The following PEAK1 variants were observed in gnomAD, a reference collection of about 807,000 sequenced individuals.
PEAK1 encodes inactive tyrosine-protein kinase PEAK1.
PEAK1 carries 54 observed loss-of-function variants against 124.7 expected under a neutral mutation model. That is an observed-to-expected ratio of 0.43 (90% confidence interval 0.35 to 0.54). The LOEUF (loss-of-function observed/expected upper bound fraction) is 0.54. PEAK1 is among the 20% of genes least tolerant of loss of function. PEAK1 has a pLI of 0.01. For synonymous variants in PEAK1, 719 were observed against 760.0 expected, an observed-to-expected ratio of 0.95 and a Z score of 0.89; for missense variants, 2,046 against 2,134.5, an observed-to-expected ratio of 0.96 and a Z score of 0.82.
chr15:77,101,223 T>C (rs1454921649), exon 7 of PEAK1: 3 of 152,180 alleles, frequency 2.0e-5, no homozygotes, highest in African/African-American at 7.2e-5. Flanking sequence ...CTGCCTCTGA[T>C]GTGCTATGTC....
chr15:77,254,663 G>C (rs531347959), intron 5 of PEAK1, among the ~76,000 whole-genome samples: 12 of 152,128 alleles, frequency 7.9e-5, no homozygotes, highest in African/African-American at 2.9e-4. Flanking sequence ...GAACTCCTGG[G>C]CTCAAGCTAT....
intron 1 of PEAK1, among the ~76,000 whole-genome samples, chr15:77,383,109 C>T (rs948904878): frequency 2.6e-5 from 4 of 151,272 alleles, no homozygotes; most frequent in Non-Finnish European, 4.4e-5. Context: ...CTGCAACCTC[C>T]GTTGCCCGGG....
At chr15:77,271,812 A>G (rs553981271) in intron 5 of PEAK1, among the ~76,000 whole-genome samples, 2 of 152,310 alleles carry the variant, frequency 1.3e-5, no homozygotes, top group Non-Finnish European at 2.9e-5. Context: ...GGATAGCATT[A>G]GGAGACATAC....
At chr15:77,296,046 G>C (rs917692955) in intron 2 of PEAK1, among the ~76,000 whole-genome samples, 16 of 152,274 alleles carry the variant, frequency 1.1e-4, no homozygotes, top group African/African-American at 3.8e-4. Context: ...AGATGGAAAA[G>C]GAAGTGTATT....
intron 5 of PEAK1, among the ~76,000 whole-genome samples, chr15:77,257,115 C>T (rs1156260556): frequency 6.6e-6 from 1 of 152,094 alleles, no homozygotes; most frequent in East Asian, 1.9e-4. Context: ...TTTTCTTAAT[C>T]CAGTCTATCA....
In PEAK1 at chr15:77,133,395, G is replaced by A. The variant is rs542555904; in HGVS notation, c.3687C>T (p.Pro1229=). The A allele has an allele frequency of 1.0e-4, 163 of 1,614,224 alleles. No individual in the cohort carries two copies. The South Asian group carries it at 1.7e-3, about 17-fold the overall frequency. ...ERPLRKERPV[P]SAANSISSLT... ...AGCTGGAAATGCTGTTTGCTGCTGA[G>A]GGGACAGGTCTCTCCTTGCGCAAAG... Residue 1229 remains proline, a synonymous_variant, in exon 9 of 10, where the codon CCC becomes CCT. Coordinates refer to ENST00000682557, the MANE Select transcript of PEAK1 (RefSeq NM_001385026.1). The surrounding 1 kb of genome is among the most constrained non-coding windows in gnomAD (Gnocchi z 4.2).
chr15:77,312,616 G>A (rs1453042399), intron 2 of PEAK1, among the ~76,000 whole-genome samples: 2 of 152,232 alleles, frequency 1.3e-5, no homozygotes, highest in African/African-American at 4.8e-5. Flanking sequence ...TTTGACTGCA[G>A]GTCATCAATG....
intron 9 of PEAK1, among the ~76,000 whole-genome samples, chr15:77,116,278 G>C (rs1314731664): frequency 1.3e-5 from 2 of 152,110 alleles, no homozygotes; most frequent in Admixed American, 1.3e-4. Context: ...TAATAGTCTG[G>C]TCTGGAGTCT....
At chr15:77,226,568 A>G (rs984542950) in intron 6 of PEAK1, among the ~76,000 whole-genome samples, 2 of 152,026 alleles carry the variant, frequency 1.3e-5, no homozygotes, top group East Asian at 1.9e-4. Flanking sequence ...CTCTGACACT[A>G]TTTTCTGAAT....
At chr15:77,287,205 T>A (rs749688135) in intron 2 of PEAK1, among the ~76,000 whole-genome samples, 1 of 152,210 alleles carries the variant, frequency 6.6e-6, no homozygotes, top group Non-Finnish European at 1.5e-5. Flanking sequence ...AGACTGACCA[T>A]GCAAAATTTA....
rs181379389 is a variant in PEAK1, at chr15:77,372,793, T to G, written c.-665-7568A>C. Among the ~76,000 whole-genome samples, 103 of 152,208 alleles carry G rather than the reference T, an allele frequency of 6.8e-4. 1 individual carries two copies. The highest frequency in any genetic ancestry group is 2.4e-3 in the African/African-American group (101 of 41,528). On this transcript the variant is annotated intron_variant, in intron 1 of 9. Transcript: ENST00000682557. ...GGCAGTTTCTAATGGTTTAGCACCA[T>G]CCCCCTAGTACTGTTCTCATGATAA...
intron 7 of PEAK1, among the ~76,000 whole-genome samples, chr15:77,158,963 G>C (rs1394567969): frequency 6.6e-6 from 1 of 152,182 alleles, no homozygotes; most frequent in African/African-American, 2.4e-5. Context: ...ATTTTATTTA[G>C]GTGGGAGGTG....
chr15:77,143,876 C>G (rs2053978859), intron 8 of PEAK1, among the ~76,000 whole-genome samples: 1 of 152,184 alleles, frequency 6.6e-6, no homozygotes, highest in Admixed American at 6.5e-5. Context: ...AGCAAAGAAT[C>G]TGGGCTGAGA....
intron 5 of PEAK1, chr15:77,278,741 A>G: frequency 2.0e-6 from 1 of 490,604 alleles, no homozygotes; most frequent in South Asian, 1.5e-5. Flanking sequence ...CAAGTGAAGC[A>G]CGTGCATTTT....
intron 5 of PEAK1, among the ~76,000 whole-genome samples, chr15:77,273,097 G>A (rs946873470): frequency 3.3e-5 from 5 of 152,002 alleles, no homozygotes; most frequent in East Asian, 1.9e-4. Context: ...AGCAAAATTC[G>A]TAAAGAAGGA....
chr15:77,180,068 G>T lies in PEAK1; in HGVS notation c.1859C>A (p.Ser620Tyr), dbSNP rs756515964. 7 of 1,613,854 alleles carry T rather than the reference G, an allele frequency of 4.3e-6. No homozygotes were observed. The African/African-American group carries it at 8.0e-5, about 18-fold the overall frequency. The change falls in exon 7 of 10, where the codon TCC becomes TAC. Residue 620 changes from serine (S) to tyrosine (Y), a missense_variant. Physicochemically the swap from Ser to Tyr is moderately radical, Grantham distance 144. Transcript: ENST00000682557. ...AATGGGAACTTTGATAGCATTTTTG[G>T]AACTCCGAGCATAAGTTGGCTCGTC... ...IHDEPTYARS[S>Y]KNAIKVPIVI...
chr15:77,414,736 A>G (rs144557181), intron 1 of PEAK1, among the ~76,000 whole-genome samples: 2 of 152,352 alleles, frequency 1.3e-5, no homozygotes, highest in African/African-American at 4.8e-5. Context: ...ATTAGGTATT[A>G]AAGTGTCTAG....
chr15:77,282,423 C>T (rs2062720607), intron 5 of PEAK1, among the ~76,000 whole-genome samples: 1 of 152,130 alleles, frequency 6.6e-6, no homozygotes, highest in Admixed American at 6.5e-5. Flanking sequence ...ACTGTTTCAG[C>T]AATTTCTTTA....
At chr15:77,248,578 T>G (rs2060699602) in intron 6 of PEAK1, among the ~76,000 whole-genome samples, 1 of 152,148 alleles carries the variant, frequency 6.6e-6, no homozygotes, top group African/African-American at 2.4e-5. Flanking sequence ...TTCTGCCATG[T>G]GAGGACACAG....
Sources: allele counts gnomAD v4.1 joint callset (sites outside exome capture counted in the v4.1 genomes callset), GRCh38; gene constraint gnomAD v4.1.1; non-coding constraint Gnocchi (gnomAD v3.1); transcripts MANE v1.5; gene names NCBI Gene and HGNC (gene_info 2026-07-23, HGNC 2026-07-21).